The following ARID1B variants were observed in gnomAD, a reference collection of about 807,000 sequenced individuals.
ARID1B encodes the protein AT-rich interactive domain-containing protein 1B.
A neutral mutation model predicts 212.3 loss-of-function variants in ARID1B; 30 were observed. The observed-to-expected ratio is 0.14, with a 90% CI of 0.11 to 0.19. The LOEUF (loss-of-function observed/expected upper bound fraction) is 0.19, where lower values mean the gene tolerates loss of function less well. Among genes scored for constraint, ARID1B ranks in the 10% least tolerant of loss-of-function variants. The pLI is 1.00. For synonymous variants in ARID1B, 1,402 were observed against 1,301.7 expected (o/e 1.08, Z -1.66); for missense variants, 2,891 against 3,204.0 (o/e 0.90, Z 2.36).
chr6:156,918,299 C>T (rs1790517510), intron 3 of ARID1B, among the ~76,000 whole-genome samples: 1 of 151,840 alleles, frequency 6.6e-6, no homozygotes, highest in African/African-American at 2.4e-5. Flanking sequence ...AGAAATAAGA[C>T]CAAAATTTAA....
intron 15 of ARID1B, among the ~76,000 whole-genome samples, chr6:157,191,319 G>A (rs1421468576): frequency 1.3e-5 from 2 of 152,042 alleles, no homozygotes; most frequent in African/African-American, 4.8e-5. Context: ...ACCGTGACTG[G>A]GCGGGTGAAG....
At chr6:156,818,083 G>A (rs1331984067) in intron 1 of ARID1B, among the ~76,000 whole-genome samples, 1 of 94,204 alleles carries the variant, frequency 1.1e-5, no homozygotes, top group African/African-American at 4.0e-5. Context: ...TTTATATGTT[G>A]AATTTAGTTG....
At chr6:156,985,851 C>T (rs1777884232) in intron 4 of ARID1B, among the ~76,000 whole-genome samples, 1 of 152,116 alleles carries the variant, frequency 6.6e-6, no homozygotes, top group Non-Finnish European at 1.5e-5. Flanking sequence ...TGTGACTGTG[C>T]CCTGCCTGGC....
At chr6:157,013,429 G>A in intron 4 of ARID1B, among the ~76,000 whole-genome samples, 1 of 152,212 alleles carries the variant, frequency 6.6e-6, no homozygotes, top group East Asian at 1.9e-4. Flanking sequence ...TGTTGCAACT[G>A]CTGTGCCCTG....
intron 4 of ARID1B, among the ~76,000 whole-genome samples, chr6:156,977,385 G>T (rs1777323012): frequency 6.7e-6 from 1 of 150,358 alleles, no homozygotes; most frequent in African/African-American, 2.4e-5. Context: ...TGTGGGCTGT[G>T]TCTTCAATTT....
Position 157,118,812 on chromosome 6 carries a change from A to T in ARID1B, c.2581+8251A>T, listed in dbSNP as rs565646247. On this transcript the variant is annotated intron_variant, in intron 6 of 19. Transcript: ENST00000636930. Reference sequence around the variant, plus strand: ...ACACAATAGGAGTCCATTTATATTCATTGAGGAAGCATCAGTCGAAGTTTT... The same window carrying T: ...ACACAATAGGAGTCCATTTATATTCTTTGAGGAAGCATCAGTCGAAGTTTT... Among the ~76,000 whole-genome samples the T allele has an allele frequency of 4.6e-5, 7 of 152,388 alleles. No individual in the cohort carries two copies. In the East Asian group the frequency reaches 1.3e-3, roughly 29 times the overall value.
intron 2 of ARID1B, among the ~76,000 whole-genome samples, chr6:156,861,626 A>G (rs924428625): frequency 1.3e-5 from 2 of 152,164 alleles, no homozygotes; most frequent in Non-Finnish European, 2.9e-5. Flanking sequence ...ATAAAAAAAT[A>G]AAAAATTAAT....
At chr6:156,921,510 C>G (rs1790797814) in intron 3 of ARID1B, among the ~76,000 whole-genome samples, 1 of 150,188 alleles carries the variant, frequency 6.7e-6, no homozygotes, top group African/African-American at 2.5e-5. Context: ...AAGGGAATCT[C>G]TAAAAAATTC....
intron 4 of ARID1B, among the ~76,000 whole-genome samples, chr6:157,074,105 G>T (rs1784160517): frequency 6.6e-6 from 1 of 152,190 alleles, no homozygotes. Context: ...ATATCAAAAA[G>T]AAAACTTGAA....
intron 8 of ARID1B, among the ~76,000 whole-genome samples, chr6:157,158,442 G>A (rs531703008): frequency 7.8e-4 from 119 of 152,160 alleles, no homozygotes; most frequent in Admixed American, 2.6e-3. Context: ...GAGAACTCAG[G>A]ACCCAGATTA....
chr6:156,792,616 G>T (rs1343076434), intron 1 of ARID1B, among the ~76,000 whole-genome samples: 1 of 152,196 alleles, frequency 6.6e-6, no homozygotes, highest in Non-Finnish European at 1.5e-5. Context: ...GCATAAGGAA[G>T]GTTGTCGTTA....
Position 156,779,115 on chromosome 6 carries a change from G to A in ARID1B, c.1435G>A (p.Gly479Ser). Residue 479 changes from glycine to serine, a missense_variant, in exon 1 of 20, where the codon GGC becomes AGC. Physicochemically the swap from Gly to Ser is moderately conservative, Grantham distance 56. Coordinates refer to ENST00000636930, the MANE Select transcript of ARID1B (RefSeq NM_001374828.1). ...CGCGAGCCTCAGCAAGGCGGCCGCC[G>A]GCTCGGCGGCGGGGGGCTTCCAGCG... ...GAASLSKAAA[G>S]SAAGGFQRFA... The A allele has an allele frequency of 8.1e-7, 1 of 1,236,374 alleles. No individual in the cohort carries two copies. 76.6% of individuals were successfully genotyped at this position (1,236,374 alleles called of 1,614,324 possible).
chr6:157,044,968 T>C (rs1782133720), intron 4 of ARID1B, among the ~76,000 whole-genome samples: 1 of 152,154 alleles, frequency 6.6e-6, no homozygotes, highest in African/African-American at 2.4e-5. Context: ...ATAACAGCCA[T>C]TTATATAATA....
intron 4 of ARID1B, among the ~76,000 whole-genome samples, chr6:157,051,955 G>T (rs997073733): frequency 2.0e-5 from 3 of 152,052 alleles, no homozygotes; most frequent in Non-Finnish European, 4.4e-5. Context: ...GATGTATTTT[G>T]CTTTATTTTA....
intron 6 of ARID1B, among the ~76,000 whole-genome samples, chr6:157,116,173 G>A (rs975494776): frequency 1.3e-5 from 2 of 152,144 alleles, no homozygotes; most frequent in Admixed American, 6.5e-5. Flanking sequence ...AGATAAATAA[G>A]TATAATAATT....
At chr6:157,142,799 G>C (rs11966975) in intron 7 of ARID1B, among the ~76,000 whole-genome samples, 425 of 152,092 alleles carry the variant, frequency 2.8e-3, no homozygotes, top group African/African-American at 0.01. Context: ...TTTCCACAAG[G>C]GTAAGATTTC....
intron 1 of ARID1B, among the ~76,000 whole-genome samples, chr6:156,790,606 T>A (rs1286087612): frequency 3.3e-5 from 5 of 152,226 alleles, no homozygotes; most frequent in Non-Finnish European, 7.3e-5. Flanking sequence ...TGTTGGAAAA[T>A]TTTAAAAATT....
intron 15 of ARID1B, 132 bp from the exon 16 acceptor site, chr6:157,196,033 T>C (rs1793694237): frequency 1.7e-6 from 2 of 1,168,494 alleles, no homozygotes; most frequent in Non-Finnish European, 2.4e-6. Context: ...TGCATTAGCC[T>C]GGGCGACAGA....
intron 4 of ARID1B, among the ~76,000 whole-genome samples, chr6:157,069,371 A>G (rs1783874164): frequency 6.6e-6 from 1 of 152,124 alleles, no homozygotes; most frequent in African/African-American, 2.4e-5. Flanking sequence ...CTCATTGTCA[A>G]CTGTGGGCTA....
Sources: allele counts gnomAD v4.1 joint callset (sites outside exome capture counted in the v4.1 genomes callset), GRCh38; gene constraint gnomAD v4.1.1; transcripts MANE v1.5; gene names NCBI Gene and HGNC (gene_info 2026-07-23, HGNC 2026-07-21).